Variants in EPS15L1 observed in about 807,000 individuals in gnomAD.
EPS15L1 encodes the protein epidermal growth factor receptor pathway substrate 15 like 1.
EPS15L1 carries 43 observed loss-of-function variants against 117.1 expected under a neutral mutation model. That is an observed-to-expected ratio of 0.37 (90% CI 0.29 to 0.47). The LOEUF is 0.47. EPS15L1 is among the 20% of genes least tolerant of loss of function. The probability of loss-of-function intolerance (pLI) is 0.99; values close to 1 mark genes in which losing one functional copy is unlikely to be tolerated. For synonymous variants in EPS15L1, 459 were observed against 470.5 expected (o/e 0.98, Z 0.32); for missense variants, 981 against 1,164.0 (o/e 0.84, Z 2.29).
chr19:16,436,119 C>G (rs761817351), intron 6 of EPS15L1, among the ~76,000 whole-genome samples: 8 of 152,186 alleles, frequency 5.3e-5, no homozygotes, highest in Non-Finnish European at 1.2e-4. Context: ...ATGTCCTCTC[C>G]CTGCACAGAT....
intron 1 of EPS15L1, among the ~76,000 whole-genome samples, chr19:16,448,551 G>GC (rs1555767237): frequency 1.3e-5 from 2 of 148,790 alleles, no homozygotes; most frequent in African/African-American, 5.0e-5. Context: ...AAAAAAAGGG[G>GC]GGGGGAGAAA....
At chr19:16,366,733 G>A (rs1297283204) in intron 22 of EPS15L1, among the ~76,000 whole-genome samples, 1 of 152,160 alleles carries the variant, frequency 6.6e-6, no homozygotes, top group African/African-American at 2.4e-5. Flanking sequence ...TCAGCCGAGT[G>A]CCCGGTCCAG....
At chr19:16,458,785 C>T (rs2093220726) in intron 1 of EPS15L1, among the ~76,000 whole-genome samples, 1 of 152,180 alleles carries the variant, frequency 6.6e-6, no homozygotes, top group Non-Finnish European at 1.5e-5. Flanking sequence ...ACTCAAGTCT[C>T]ACCTCCTTCC....
At chr19:16,403,452 T>C (rs916049910) in intron 15 of EPS15L1, among the ~76,000 whole-genome samples, 1 of 152,172 alleles carries the variant, frequency 6.6e-6, no homozygotes, top group African/African-American at 2.4e-5. Context: ...TCTCTCCAAA[T>C]GAGCCATTAA....
chr19:16,457,172 T>C (rs149489744), intron 1 of EPS15L1, among the ~76,000 whole-genome samples: 21 of 152,266 alleles, frequency 1.4e-4, no homozygotes, highest in Non-Finnish European at 2.8e-4. Context: ...TAAAAACGAA[T>C]GTGTTTCCTT....
intron 3 of EPS15L1, chr19:16,441,541 A>C (rs1335703561): frequency 2.9e-5 from 5 of 174,306 alleles, no homozygotes; most frequent in Non-Finnish European, 6.1e-5. Context: ...AGGCAGGAGA[A>C]TCACTTGAAC....
intron 6 of EPS15L1, chr19:16,436,521 A>C (rs1599647150): frequency 6.2e-6 from 1 of 161,426 alleles, no homozygotes. Context: ...AAGTGGCTGG[A>C]AAGAAGCGAG....
At chr19:16,385,291 G>T in intron 20 of EPS15L1, 80 bp from the exon 21 acceptor site, 1 of 1,190,190 alleles carries the variant, frequency 8.4e-7, no homozygotes, top group Non-Finnish European at 1.3e-6. Context: ...AATGCTAGAT[G>T]GCCCCTGAAC....
chr19:16,423,534 C>T (rs953019920), intron 9 of EPS15L1, among the ~76,000 whole-genome samples: 2 of 152,090 alleles, frequency 1.3e-5, no homozygotes, highest in African/African-American at 4.8e-5. Flanking sequence ...TGCACCACTG[C>T]ACTCCAGCCA....
intron 7 of EPS15L1, among the ~76,000 whole-genome samples, chr19:16,432,628 C>T (rs775764879): frequency 6.6e-6 from 1 of 150,564 alleles, no homozygotes; most frequent in Non-Finnish European, 1.5e-5. Flanking sequence ...AAAAATTAGC[C>T]GGCTGTTGTG....
chr19:16,448,871 G>A (rs902928774), intron 1 of EPS15L1, among the ~76,000 whole-genome samples: 1 of 151,818 alleles, frequency 6.6e-6, no homozygotes, highest in African/African-American at 2.4e-5. Flanking sequence ...GCAAGCTACA[G>A]ACTAGAAAGA....
intron 1 of EPS15L1, among the ~76,000 whole-genome samples, chr19:16,460,582 T>C (rs2093239173): frequency 6.6e-6 from 1 of 151,948 alleles, no homozygotes; most frequent in East Asian, 1.9e-4. Context: ...ACAGCAACAA[T>C]TTGCACCCTG....
chr19:16,406,337 C>T (rs1229261189), intron 13 of EPS15L1, among the ~76,000 whole-genome samples: 2 of 152,154 alleles, frequency 1.3e-5, no homozygotes, highest in African/African-American at 4.8e-5. Context: ...CGACAGGAAA[C>T]TCAGGAGAAA....
intron 1 of EPS15L1, among the ~76,000 whole-genome samples, chr19:16,464,659 C>T (rs1406613079): frequency 1.3e-5 from 2 of 152,156 alleles, no homozygotes; most frequent in Admixed American, 6.6e-5. Context: ...TCCCCATGGC[C>T]TAGACCAGGG....
At chr19:16,440,985 C>T in intron 3 of EPS15L1, 76 bp from the exon 4 acceptor site, 1 of 1,421,388 alleles carries the variant, frequency 7.0e-7, no homozygotes, top group African/African-American at 1.4e-5. Flanking sequence ...AGAGCCGCCA[C>T]CACCCCATCA....
At chr19:16,445,637 C>T (rs893125787) in intron 1 of EPS15L1, among the ~76,000 whole-genome samples, 2 of 152,186 alleles carry the variant, frequency 1.3e-5, no homozygotes, top group African/African-American at 4.8e-5. Context: ...CTGTCACTGG[C>T]CCCTGTGCAG....
chr19:16,404,489 G>T lies in EPS15L1; in HGVS notation c.1428+99C>A. 2.2e-6 allele frequency: 3 copies of T among 1,342,326 alleles called. No homozygotes were observed. Among genetic ancestry groups the T allele is most frequent in the Non-Finnish European group, 3.1e-6 (3 of 963,572 alleles). 83.2% of individuals were successfully genotyped at this position (1,342,326 alleles called of 1,614,324 possible). A position where few individuals can be genotyped will look rare whatever the true frequency, so the allele number is the denominator to read the frequency against. On this transcript the variant is annotated intron_variant, in intron 14 of 23. Transcript: ENST00000455140. This position sits in a 1 kb window ranked among gnomAD's most constrained non-coding sequence, Gnocchi z 4.2. ...AGGAACTCTATTGACCCAGTAGGAT[G>T]TCTAAGTGTTGTGTTCCCAGGTAAC... is the stretch of plus-strand genomic sequence containing the variant.
Position 16,392,553 on chromosome 19 carries a change from C to A in EPS15L1, c.1967-113G>T, listed in dbSNP as rs554718731. On this transcript the variant is annotated intron_variant, in intron 18 of 23. Transcript: ENST00000455140. ...ACATGAAATTCTAGAAAGGTAAGAA[C>A]GCTAGTGACGGAAAACAGGATAATG... The A allele has an allele frequency of 1.1e-5, 12 of 1,060,014 alleles. No homozygotes were observed. In the South Asian group the frequency reaches 1.7e-4, roughly 15 times the overall value. The allele number at this position is 1,060,014 out of a possible 1,614,324, so 65.7% of individuals were successfully genotyped here.
chr19:16,386,335 A>G, intron 19 of EPS15L1, 104 bp from the exon 20 acceptor site: 1 of 865,816 alleles, frequency 1.2e-6, no homozygotes, highest in South Asian at 1.5e-5. Context: ...TCCAGTGCTG[A>G]GCCAGAGGGA....
Sources: gnomAD v4.1 joint callset for allele counts (sites outside exome capture counted in the v4.1 genomes callset) on GRCh38, gnomAD v4.1.1 for gene constraint, Gnocchi (gnomAD v3.1) non-coding constraint, MANE v1.5 for transcripts, NCBI Gene and HGNC (gene_info 2026-07-23, HGNC 2026-07-21) for gene names.